The following ROBO2 variants were observed in gnomAD, a reference collection of about 807,000 sequenced individuals.
ROBO2 encodes roundabout guidance receptor 2.
A neutral mutation model predicts 160.8 loss-of-function variants in ROBO2; 53 were observed. The ratio of observed to expected loss-of-function variants is 0.33; its 90% CI spans 0.26 to 0.41. The LOEUF (loss-of-function observed/expected upper bound fraction) is 0.41. ROBO2 is among the 10% of genes least tolerant of loss of function. The pLI is 1.00. For missense variants in ROBO2, 1,577 were observed against 1,722.4 expected (o/e 0.92, Z 1.49); for synonymous variants, 664 against 611.7 (o/e 1.09, Z -1.26).
intron 1 of ROBO2, among the ~76,000 whole-genome samples, chr3:77,050,962 G>A (rs1411997653): frequency 1.3e-5 from 2 of 150,814 alleles, no homozygotes; most frequent in Non-Finnish European, 2.9e-5. Context: ...AGGCTGCAGT[G>A]AGCTGTGAGT....
chr3:77,091,621 A>G (rs1212851433), intron 1 of ROBO2, among the ~76,000 whole-genome samples: 1 of 152,050 alleles, frequency 6.6e-6, no homozygotes, highest in African/African-American at 2.4e-5. Context: ...TAAGCATGGA[A>G]AAAATGCAGC....
At chr3:77,016,985 G>A (rs1016086001) in intron 2 of ROBO2, among the ~76,000 whole-genome samples, 3 of 152,060 alleles carry the variant, frequency 2.0e-5, no homozygotes, top group African/African-American at 7.2e-5. Flanking sequence ...AGTAGAATAG[G>A]TCATCTGAAA....
chr3:76,206,024 GA>G (rs1413271113), intron 2 of ROBO2, among the ~76,000 whole-genome samples: 4 of 152,182 alleles, frequency 2.6e-5, no homozygotes, highest in Non-Finnish European at 2.9e-5. Flanking sequence ...AACAAAGAGA[GA>G]GAGGTGGCTG....
chr3:76,689,800 G>A (rs1348458581), intron 2 of ROBO2, among the ~76,000 whole-genome samples: 1 of 151,742 alleles, frequency 6.6e-6, no homozygotes, highest in Non-Finnish European at 1.5e-5. Flanking sequence ...TTTCCTCTTT[G>A]CCCATCCAGT....
intron 23 of ROBO2, chr3:77,633,562 A>G (rs2095211035): frequency 6.6e-6 from 1 of 152,206 alleles, no homozygotes; most frequent in African/African-American, 2.4e-5. Flanking sequence ...CAAAATCTTA[A>G]CTGTAATCAA....
chr3:76,756,831 C>T (rs1339961408), intron 2 of ROBO2, among the ~76,000 whole-genome samples: 2 of 151,686 alleles, frequency 1.3e-5, no homozygotes, highest in African/African-American at 2.4e-5. Flanking sequence ...CTTCGTTGAA[C>T]GAAGTAGGGA....
At chr3:76,788,199 T>TAA (rs1317675892) in intron 2 of ROBO2, among the ~76,000 whole-genome samples, 4 of 151,252 alleles carry the variant, frequency 2.6e-5, no homozygotes, top group Non-Finnish European at 5.9e-5. Context: ...AATAATAATA[T>TAA]AATAATAAAA....
At chr3:76,614,919 G>A (rs2088453422) in intron 2 of ROBO2, among the ~76,000 whole-genome samples, 1 of 152,074 alleles carries the variant, frequency 6.6e-6, no homozygotes, top group East Asian at 1.9e-4. Context: ...GCAAGTGAAA[G>A]CAAGATTCCT....
chr3:75,973,915 C>T (rs972935804), intron 2 of ROBO2, among the ~76,000 whole-genome samples: 4 of 150,968 alleles, frequency 2.6e-5, no homozygotes, highest in African/African-American at 9.7e-5. Flanking sequence ...AAAAAGAAGC[C>T]AGTAAAGATG....
At chr3:75,961,888 T>A (rs958523654) in intron 2 of ROBO2, among the ~76,000 whole-genome samples, 1 of 151,356 alleles carries the variant, frequency 6.6e-6, no homozygotes, top group Admixed American at 6.6e-5. Context: ...CTAGAAGTAA[T>A]TTATTCTTTC....
intron 2 of ROBO2, among the ~76,000 whole-genome samples, chr3:76,451,802 T>A (rs2077488663): frequency 6.6e-6 from 1 of 152,146 alleles, no homozygotes; most frequent in Non-Finnish European, 1.5e-5. Context: ...TTCCTATGGA[T>A]CACAGGGTAT....
intron 2 of ROBO2, among the ~76,000 whole-genome samples, chr3:77,101,926 AC>A (rs1298189373): frequency 6.6e-6 from 1 of 152,010 alleles, no homozygotes; most frequent in Non-Finnish European, 1.5e-5. Flanking sequence ...TGTAATCCCA[AC>A]TACTCAGGAG....
At chr3:76,302,530 C>T (rs1382334073) in intron 2 of ROBO2, among the ~76,000 whole-genome samples, 1 of 152,102 alleles carries the variant, frequency 6.6e-6, no homozygotes, top group African/African-American at 2.4e-5. Context: ...TCATGCACTG[C>T]ACAATGACGT....
At chr3:76,034,089 G>A (rs1441939030) in intron 2 of ROBO2, among the ~76,000 whole-genome samples, 4 of 152,134 alleles carry the variant, frequency 2.6e-5, no homozygotes, top group Non-Finnish European at 5.9e-5. Flanking sequence ...TTAGAAAAGG[G>A]GCATAGGCAT....
Position 76,434,141 on chromosome 3 carries a change from C to T in ROBO2, c.109+496539C>T. 4.2e-6 allele frequency: 5 copies of T among 1,197,348 alleles called. No individual in the cohort carries two copies. In the South Asian group the frequency reaches 4.8e-5, roughly 12 times the overall value. The allele number at this position is 1,197,348 out of a possible 1,614,324, so 74.2% of individuals were successfully genotyped here. A position where few individuals can be genotyped will look rare whatever the true frequency, so the allele number is the denominator to read the frequency against. ...CAGCTCCATATGTGCAAGCATTTGA[C>T]TCACTGCTTGCTGGTCCTGTGGCAG... On this transcript the variant is annotated intron_variant, in intron 2 of 26. Coordinates refer to the ROBO2 transcript ENST00000487694.
At chr3:76,293,834 A>G (rs997745784) in intron 2 of ROBO2, among the ~76,000 whole-genome samples, 2 of 152,210 alleles carry the variant, frequency 1.3e-5, no homozygotes, top group Non-Finnish European at 2.9e-5. Context: ...TTTTTGTTCT[A>G]TTATGACTTG....
chr3:76,454,487 T>C (rs1020919220), intron 2 of ROBO2, among the ~76,000 whole-genome samples: 1 of 152,146 alleles, frequency 6.6e-6, no homozygotes, highest in African/African-American at 2.4e-5. Context: ...AAAAGGTGGT[T>C]GGAGATCAGG....
At chr3:76,869,342 G>GTTTTTTT (rs34051755) in intron 2 of ROBO2, among the ~76,000 whole-genome samples, 43 of 71,394 alleles carry the variant, frequency 6.0e-4, no homozygotes, top group African/African-American at 8.1e-4. Context: ...AGAAATTGAT[G>GTTTTTTT]TTTTTTTTTT....
At chr3:76,699,004 G>A (rs952604386) in intron 2 of ROBO2, among the ~76,000 whole-genome samples, 3 of 152,002 alleles carry the variant, frequency 2.0e-5, no homozygotes, top group African/African-American at 7.2e-5. Flanking sequence ...AAAGAAATAA[G>A]GTCCTTATGG....
Sources: allele counts gnomAD v4.1 joint callset (sites outside exome capture counted in the v4.1 genomes callset), GRCh38; gene constraint gnomAD v4.1.1; transcripts MANE v1.5; gene names NCBI Gene and HGNC (gene_info 2026-07-23, HGNC 2026-07-21).